The following PLB1 variants were observed in gnomAD, a reference collection of about 807,000 sequenced individuals.
The protein encoded by PLB1 is phospholipase B1, membrane-associated.
A neutral mutation model predicts 227.4 loss-of-function variants in PLB1; 242 were observed. The observed-to-expected ratio is 1.06, with a 90% CI of 0.96 to 1.18. The LOEUF is 1.18. Ranked by LOEUF, PLB1 falls within the 50% of genes most tolerant of loss-of-function variation. PLB1 has a pLI of 0.00. For synonymous variants in PLB1, 757 were observed against 682.2 expected (o/e 1.11, Z -1.71); for missense variants, 1,858 against 1,816.3 (o/e 1.02, Z -0.42).
chr2:28,582,527 G>C (rs756139584), intron 25 of PLB1, 22 bp downstream of exon 25: 1 of 1,555,742 alleles, frequency 6.4e-7, no homozygotes, highest in East Asian at 2.3e-5. Context: ...ACTTCTCCCC[G>C]ATTCTACTAA....
chr2:28,577,072 C>T (rs780898645), intron 21 of PLB1, among the ~76,000 whole-genome samples: 4 of 152,182 alleles, frequency 2.6e-5, no homozygotes, highest in Non-Finnish European at 5.9e-5. Flanking sequence ...CTTTATATGG[C>T]ACCTCATTTA....
chr2:28,582,290 T>TG (rs1209534602), intron 24 of PLB1, 115 bp from the exon 25 acceptor site: 3 of 1,171,734 alleles, frequency 2.6e-6, no homozygotes, highest in Non-Finnish European at 3.7e-6. Context: ...AGGAAGTGGA[T>TG]GGGGGCAGAT....
chr2:28,573,087 G>A, intron 20 of PLB1, 110 bp from the exon 21 acceptor site: 1 of 787,362 alleles, frequency 1.3e-6, no homozygotes, highest in East Asian at 2.6e-5. Flanking sequence ...GGTAAGAGTA[G>A]GGGCTGCGGA....
At chr2:28,511,017 A>G (rs1203444029) in intron 1 of PLB1, among the ~76,000 whole-genome samples, 3 of 152,206 alleles carry the variant, frequency 2.0e-5, no homozygotes, top group Middle Eastern at 3.4e-3. Flanking sequence ...CTTGTGGATT[A>G]TACAATTTTT....
At chr2:28,500,470 T>C (rs1666957673) in intron 1 of PLB1, among the ~76,000 whole-genome samples, 1 of 152,192 alleles carries the variant, frequency 6.6e-6, no homozygotes, top group Non-Finnish European at 1.5e-5. Context: ...ATTTTTAGCA[T>C]CCATTGATAC....
intron 9 of PLB1, among the ~76,000 whole-genome samples, chr2:28,538,004 T>C (rs1671934776): frequency 6.6e-6 from 1 of 152,222 alleles, no homozygotes; most frequent in Admixed American, 6.5e-5. Flanking sequence ...TCCCTCAGTG[T>C]GAGCTTCAGA....
Position 28,601,296 on chromosome 2 carries a change from C to A in PLB1, c.2571C>A (p.Ile857=), listed in dbSNP as rs143535260. Residue 857 remains isoleucine, a synonymous_variant, in exon 37 of 58, where the codon ATC becomes ATA. Coordinates refer to ENST00000327757, the MANE Select transcript of PLB1 (RefSeq NM_153021.5). ...HEDWKVITVL[I]GGSDLCDYCT... ...ACTGGAAGGTCATCACAGTGCTGAT[C>A]GGAGGCAGCGATTTATGTGACTACT... 2 of 1,613,958 alleles carry A rather than the reference C, an allele frequency of 1.2e-6. No individual in the cohort carries two copies. The highest frequency in any genetic ancestry group is 1.6e-4 in the Middle Eastern group (1 of 6,082).
chr2:28,581,580 A>G (rs972739920), intron 23 of PLB1, among the ~76,000 whole-genome samples: 1 of 152,114 alleles, frequency 6.6e-6, no homozygotes, highest in African/African-American at 2.4e-5. Context: ...GGCCACAGCC[A>G]TGACAAACCT....
In PLB1 at chr2:28,598,032, T is replaced by C; in HGVS notation, c.2349T>C (p.Asn783=). ...YSAGGDGSLE[N]VTTLPNILRE... is the part of the protein sequence containing the mutation. ...CAGGAGGGGACGGCTCCCTGGAGAA[T>C]GTGACCACCTTACCTAGTAAGTAAC... The change falls in exon 34 of 58, where the codon AAT becomes AAC. Residue 783 remains asparagine, a synonymous_variant. Coordinates refer to ENST00000327757, the MANE Select transcript of PLB1 (RefSeq NM_153021.5). The C allele has an allele frequency of 6.2e-7, 1 of 1,613,330 alleles. No individual in the cohort carries two copies. Among genetic ancestry groups the C allele is most frequent in the Non-Finnish European group, 8.5e-7 (1 of 1,179,404 alleles).
chr2:28,558,103 T>A (rs1675425153), intron 17 of PLB1, among the ~76,000 whole-genome samples: 1 of 152,038 alleles, frequency 6.6e-6, no homozygotes, highest in Non-Finnish European at 1.5e-5. Context: ...AATCAGTCTA[T>A]CTATACATAT....
At chr2:28,558,032 C>T (rs865943496) in intron 17 of PLB1, among the ~76,000 whole-genome samples, 1 of 152,162 alleles carries the variant, frequency 6.6e-6, no homozygotes, top group African/African-American at 2.4e-5. Flanking sequence ...ACCACCCCCA[C>T]CATAATCAAC....
chr2:28,608,230 T>C (rs114031985), intron 43 of PLB1, among the ~76,000 whole-genome samples: 6,138 of 152,322 alleles, frequency 0.04, 169 homozygotes, highest in Non-Finnish European at 0.061. Flanking sequence ...GGTCCATCTG[T>C]TGGCCAGCCC....
chr2:28,605,029 A>G (rs1446930022), intron 41 of PLB1, among the ~76,000 whole-genome samples: 5 of 152,218 alleles, frequency 3.3e-5, no homozygotes, highest in Admixed American at 2.0e-4. Flanking sequence ...GCCTTTGGAA[A>G]TGAGTGTGAT....
intron 1 of PLB1, among the ~76,000 whole-genome samples, chr2:28,511,221 T>C (rs1004315348): frequency 6.6e-6 from 1 of 152,188 alleles, no homozygotes; most frequent in Non-Finnish European, 1.5e-5. Flanking sequence ...TTATTTATAT[T>C]AGGGTTGGCA....
chr2:28,581,990 C>G, intron 23 of PLB1, 78 bp from the exon 24 acceptor site: 1 of 1,391,232 alleles, frequency 7.2e-7, no homozygotes, highest in Non-Finnish European at 1.0e-6. Context: ...AGAAGGGGAC[C>G]CAAGAGAGAA....
chr2:28,533,612 A>T (rs1671301388), intron 9 of PLB1, among the ~76,000 whole-genome samples: 1 of 152,254 alleles, frequency 6.6e-6, no homozygotes, highest in Non-Finnish European at 1.5e-5. Context: ...TCATTCATCC[A>T]TAAGTTATAT....
chr2:28,633,915 T>G (rs1448948148), intron 56 of PLB1, among the ~76,000 whole-genome samples: 2 of 152,184 alleles, frequency 1.3e-5, no homozygotes, highest in Non-Finnish European at 2.9e-5. Context: ...TCCAGCTCCT[T>G]TTATCACAGT....
intron 13 of PLB1, 74 bp from the exon 14 acceptor site, chr2:28,543,138 C>T (rs1223899343): frequency 1.3e-6 from 2 of 1,483,842 alleles, no homozygotes; most frequent in Non-Finnish European, 1.8e-6. Flanking sequence ...CCAGAGAGAG[C>T]TTCAAAGTGT....
At chr2:28,506,551 C>T (rs892169731) in intron 1 of PLB1, among the ~76,000 whole-genome samples, 1 of 152,160 alleles carries the variant, frequency 6.6e-6, no homozygotes, top group Admixed American at 6.5e-5. Flanking sequence ...AAAGAGACTT[C>T]TAAAATGATT....
Sources: gnomAD v4.1 joint callset for allele counts (sites outside exome capture counted in the v4.1 genomes callset) on GRCh38, gnomAD v4.1.1 for gene constraint, MANE v1.5 for transcripts, NCBI Gene and HGNC (gene_info 2026-07-23, HGNC 2026-07-21) for gene names.